Variants in RAB38 observed in about 807,000 individuals in gnomAD.
The protein encoded by RAB38 is ras-related protein Rab-38.
In RAB38, 15 loss-of-function variants were observed where a neutral mutation model predicts 18.4. The ratio of observed to expected loss-of-function variants is 0.82; its 90% CI spans 0.55 to 1.26. The LOEUF (loss-of-function observed/expected upper bound fraction) is 1.26, where lower values mean the gene tolerates loss of function less well. Ranked by LOEUF, RAB38 falls within the 50% of genes most tolerant of loss-of-function variation. RAB38 has a pLI of 0.00. For synonymous variants in RAB38, 101 were observed against 104.4 expected (o/e 0.97, Z 0.20); for missense variants, 294 against 267.4 (o/e 1.10, Z -0.69).
chr11:87,898,658 T>A, the RAB38 span, among the ~76,000 whole-genome samples: 3 of 151,694 alleles, frequency 2.0e-5, no homozygotes, highest in African/African-American at 7.2e-5. Flanking sequence ...GTTCCAAAAA[T>A]GAACATTGTC....
the RAB38 span, among the ~76,000 whole-genome samples, chr11:88,081,058 A>T: frequency 6.6e-6 from 1 of 151,942 alleles, no homozygotes; most frequent in Non-Finnish European, 1.5e-5. Context: ...CTCATAATTA[A>T]TCATTAGAAA....
the RAB38 span, among the ~76,000 whole-genome samples, chr11:88,105,710 G>A: frequency 5.5e-3 from 830 of 152,202 alleles, 4 homozygotes; most frequent in Non-Finnish European, 8.9e-3. Flanking sequence ...CAAAGACCCT[G>A]CATAGTTCAG....
At chr11:87,847,928 A>G in the RAB38 span, among the ~76,000 whole-genome samples, 1,848 of 152,232 alleles carry the variant, frequency 0.012, 28 homozygotes, top group African/African-American at 0.042. Flanking sequence ...ACAAACCTTG[A>G]AATTCTTAAC....
chr11:88,161,955 G>A (rs1429241203), intron 1 of RAB38, among the ~76,000 whole-genome samples: 1 of 152,002 alleles, frequency 6.6e-6, no homozygotes, highest in East Asian at 1.9e-4. Flanking sequence ...TAACAGTGTG[G>A]AAAACATAAA....
the RAB38 span, among the ~76,000 whole-genome samples, chr11:88,086,679 A>G: frequency 1.3e-5 from 2 of 151,928 alleles, no homozygotes; most frequent in African/African-American, 4.8e-5. Flanking sequence ...TGAATAGCAT[A>G]TGAATTTGGT....
intron 2 of RAB38, among the ~76,000 whole-genome samples, chr11:88,146,801 G>C (rs780613291): frequency 5.9e-5 from 9 of 152,140 alleles, no homozygotes; most frequent in Non-Finnish European, 8.8e-5. Flanking sequence ...GATGTTGAAC[G>C]TGCCTTCTGT....
rs181113523 is a variant in RAB38, at chr11:88,156,352, C to G, written c.203-6397G>C. ...ACATCTCAGCAGAAACTTTACAAGC[C>G]AGAAGAGACTGGGGGCCTATTTTCA... On this transcript the variant is annotated intron_variant, in intron 1 of 2. Transcript: ENST00000243662. Among the ~76,000 whole-genome samples, 55 of 152,268 alleles carry G rather than the reference C, an allele frequency of 3.6e-4. 1 individual carries two copies. The highest frequency in any genetic ancestry group is 2.6e-3 in the Admixed American group (40 of 15,288).
At chr11:87,903,215 G>T in the RAB38 span, among the ~76,000 whole-genome samples, 3 of 151,112 alleles carry the variant, frequency 2.0e-5, no homozygotes, top group Non-Finnish European at 3.0e-5. Context: ...CTGTGTTTTT[G>T]GTAGATGCCT....
At chr11:87,847,955 C>A in the RAB38 span, among the ~76,000 whole-genome samples, 6 of 151,978 alleles carry the variant, frequency 3.9e-5, no homozygotes, top group Non-Finnish European at 8.8e-5. Flanking sequence ...CCAACAATTA[C>A]CAATTAAATA....
At chr11:88,133,844 G>A (rs1477984346) in intron 2 of RAB38, among the ~76,000 whole-genome samples, 1 of 152,178 alleles carries the variant, frequency 6.6e-6, no homozygotes, top group Non-Finnish European at 1.5e-5. Context: ...GTCTACTGAG[G>A]AGAGTCCACT....
intron 1 of RAB38, among the ~76,000 whole-genome samples, chr11:88,152,645 C>CA (rs1943077356): frequency 6.6e-6 from 1 of 152,220 alleles, no homozygotes. Flanking sequence ...TGTCAGCTGA[C>CA]AGTCCTCTTT....
intron 2 of RAB38, among the ~76,000 whole-genome samples, chr11:88,147,765 C>G (rs1386585198): frequency 6.6e-6 from 1 of 151,782 alleles, no homozygotes; most frequent in Non-Finnish European, 1.5e-5. Flanking sequence ...TGGTGGCGGG[C>G]GCCTGTAGTC....
At chr11:88,040,780 G>A in the RAB38 span, among the ~76,000 whole-genome samples, 117,216 of 152,060 alleles carry the variant, frequency 0.77, 45,683 homozygotes, top group African/African-American at 0.88. Context: ...ATTCTTAGGT[G>A]CCAGGCATTA....
At chr11:87,937,868 G>GT in the RAB38 span, among the ~76,000 whole-genome samples, 1 of 75,770 alleles carries the variant, frequency 1.3e-5, no homozygotes, top group Non-Finnish European at 2.5e-5. Flanking sequence ...GCTCATTGAA[G>GT]TGTTTTTTTT....
At chr11:87,819,677 T>C in the RAB38 span, among the ~76,000 whole-genome samples, 3 of 147,940 alleles carry the variant, frequency 2.0e-5, no homozygotes, top group African/African-American at 7.4e-5. Flanking sequence ...TATATATATG[T>C]GTATATATAT....
the RAB38 span, among the ~76,000 whole-genome samples, chr11:87,868,347 C>T: frequency 6.6e-6 from 1 of 151,582 alleles, no homozygotes; most frequent in Non-Finnish European, 1.5e-5. Context: ...CACCTTCCAG[C>T]ATGAGTGGAA....
At chr11:88,175,108 C>G (rs1196747089) in intron 1 of RAB38, 75 bp downstream of exon 1, 2 of 1,436,420 alleles carry the variant, frequency 1.4e-6, no homozygotes, top group African/African-American at 1.4e-5. Context: ...CACGCTTGGC[C>G]GCAAGCCGCT....
intron 2 of RAB38, among the ~76,000 whole-genome samples, chr11:88,130,212 A>C (rs369536367): frequency 6.6e-6 from 1 of 152,336 alleles, no homozygotes; most frequent in African/African-American, 2.4e-5. Context: ...CCAAGGAAGA[A>C]GAAAAAGGAA....
At chr11:88,069,091 C>T in the RAB38 span, among the ~76,000 whole-genome samples, 180 of 152,252 alleles carry the variant, frequency 1.2e-3, no homozygotes, top group African/African-American at 4.0e-3. Flanking sequence ...ACTGCGATTG[C>T]GGGCCAGGGC....
Sources: gnomAD v4.1 joint callset for allele counts (sites outside exome capture counted in the v4.1 genomes callset) on GRCh38, gnomAD v4.1.1 for gene constraint, MANE v1.5 for transcripts, NCBI Gene and HGNC (gene_info 2026-07-23, HGNC 2026-07-21) for gene names.